Variants in MRAS observed in about 807,000 individuals in gnomAD.
MRAS encodes muscle RAS oncogene homolog.
In MRAS, 4 loss-of-function variants were observed where a neutral mutation model predicts 20.9. The ratio of observed to expected loss-of-function variants is 0.19; its 90% CI spans 0.09 to 0.44. The LOEUF is 0.44. MRAS is among the 20% of genes least tolerant of loss of function. MRAS has a pLI of 0.99. For synonymous variants in MRAS, 98 were observed against 102.9 expected, an observed-to-expected ratio of 0.95 and a Z score of 0.29; for missense variants, 154 against 277.5, an observed-to-expected ratio of 0.56 and a Z score of 3.16.
At position 138,370,137 on chromosome 3, in the gene MRAS, G is replaced by A. The variant is rs192240674; in HGVS notation, c.-18-2729G>A. Among the ~76,000 whole-genome samples the A allele has an allele frequency of 3.5e-3, 533 of 152,214 alleles. 5 individuals are homozygous for A. Among genetic ancestry groups the A allele is most frequent in the Middle Eastern group, 0.014 (4 of 294 alleles). ...GAGCAAAATCATCCTGGCCAACATGGTGAAACCTGTCTCTATTGAAAATAC... is the reference window on the plus strand; with the variant it reads ...GAGCAAAATCATCCTGGCCAACATGATGAAACCTGTCTCTATTGAAAATAC... On this transcript the variant is annotated intron_variant, in intron 1 of 5. Transcript: ENST00000423968.
intron 3 of MRAS, among the ~76,000 whole-genome samples, 186 bp from the exon 4 acceptor site, chr3:138,398,283 C>G (rs768013519): frequency 6.6e-6 from 1 of 152,176 alleles, no homozygotes; most frequent in African/African-American, 2.4e-5. Flanking sequence ...TAGCCAGCAG[C>G]CCCCGGGCCC....
At chr3:138,363,056 A>T (rs1267409290) in intron 1 of MRAS, among the ~76,000 whole-genome samples, 2 of 150,346 alleles carry the variant, frequency 1.3e-5, no homozygotes, top group Non-Finnish European at 3.0e-5. Context: ...TTTTTTTTTG[A>T]GACGGAGTCT....
At chr3:138,351,950 GT>G (rs1335537632) in intron 1 of MRAS, among the ~76,000 whole-genome samples, 1 of 152,218 alleles carries the variant, frequency 6.6e-6, no homozygotes, top group Non-Finnish European at 1.5e-5. Context: ...CTAAAGGCAC[GT>G]GACTTCTCTA....
chr3:138,376,913 A>G (rs1197818255), intron 2 of MRAS, among the ~76,000 whole-genome samples: 1 of 152,248 alleles, frequency 6.6e-6, no homozygotes, highest in East Asian at 1.9e-4. Context: ...AGAAAGTAAC[A>G]CCATGCCTGG....
At chr3:138,376,215 G>T (rs1444793097) in intron 2 of MRAS, among the ~76,000 whole-genome samples, 1 of 152,116 alleles carries the variant, frequency 6.6e-6, no homozygotes, top group African/African-American at 2.4e-5. Flanking sequence ...CTAGAACATT[G>T]TTCCTGCAGA....
chr3:138,385,727 C>T (rs1181891323), intron 2 of MRAS, among the ~76,000 whole-genome samples: 2 of 152,050 alleles, frequency 1.3e-5, no homozygotes, highest in African/African-American at 4.8e-5. Flanking sequence ...TGTTGCCAGG[C>T]TGGTCTCGAA....
In MRAS at chr3:138,404,485, A is replaced by C. The variant is rs2055420370; in HGVS notation, c.*2216A>C. On this transcript the variant is annotated 3_prime_UTR_variant, in exon 6 of 6. Transcript: ENST00000423968. ...AGACCTCGGCCATAAAGGTGAGAAG[A>C]CATAGGGATTTCAACCACACAGTTG... The C allele has an allele frequency of 6.6e-6, 1 of 152,286 alleles. No homozygotes were observed. The highest frequency in any genetic ancestry group is 2.4e-5 in the African/African-American group (1 of 41,450). The allele number at this position is 152,286 out of a possible 1,614,324, so 9.4% of individuals were successfully genotyped here.
intron 5 of MRAS, among the ~76,000 whole-genome samples, chr3:138,401,192 A>G (rs1016483434): frequency 6.6e-6 from 1 of 152,178 alleles, no homozygotes; most frequent in Non-Finnish European, 1.5e-5. Context: ...ACTCATGACT[A>G]AAACAGCCTC....
chr3:138,350,303 G>T (rs563410847), intron 1 of MRAS: 1 of 152,238 alleles, frequency 6.6e-6, no homozygotes, highest in South Asian at 2.1e-4. Context: ...AAAATGTTTC[G>T]GGCAATGGTT....
At chr3:138,393,650 G>A (rs1272419857) in intron 2 of MRAS, among the ~76,000 whole-genome samples, 1 of 151,528 alleles carries the variant, frequency 6.6e-6, no homozygotes, top group Non-Finnish European at 1.5e-5. Context: ...TTCAAAATCT[G>A]TAAATATATG....
At chr3:138,384,103 A>G (rs1259766290) in intron 2 of MRAS, among the ~76,000 whole-genome samples, 2 of 151,818 alleles carry the variant, frequency 1.3e-5, no homozygotes, top group Admixed American at 6.5e-5. Context: ...GTGAGAGCAC[A>G]GCTAGTAGGA....
intron 2 of MRAS, among the ~76,000 whole-genome samples, chr3:138,397,054 G>T (rs2055251452): frequency 6.6e-6 from 1 of 152,164 alleles, no homozygotes; most frequent in African/African-American, 2.4e-5. Flanking sequence ...GAGAATTTAG[G>T]CCTAGTAAGC....
intron 1 of MRAS, among the ~76,000 whole-genome samples, chr3:138,371,125 G>A (rs1295177295): frequency 6.6e-6 from 1 of 152,176 alleles, no homozygotes; most frequent in African/African-American, 2.4e-5. Context: ...CTGCAGGAGA[G>A]GGTATGAATA....
chr3:138,395,822 A>C (rs1218021580), intron 2 of MRAS, among the ~76,000 whole-genome samples: 2 of 152,238 alleles, frequency 1.3e-5, no homozygotes, highest in African/African-American at 4.8e-5. Flanking sequence ...GCCACCTAGC[A>C]GGCACTCAGA....
chr3:138,379,766 G>A (rs946658349), intron 2 of MRAS, among the ~76,000 whole-genome samples: 1 of 152,126 alleles, frequency 6.6e-6, no homozygotes, highest in African/African-American at 2.4e-5. Context: ...CTTGGCTATT[G>A]TGACTAGCGC....
At chr3:138,386,278 T>A (rs1390217157) in intron 2 of MRAS, among the ~76,000 whole-genome samples, 1 of 151,032 alleles carries the variant, frequency 6.6e-6, no homozygotes, top group Non-Finnish European at 1.5e-5. Context: ...TTCTCCCCCC[T>A]CCTCAGTCCC....
intron 1 of MRAS, among the ~76,000 whole-genome samples, chr3:138,356,175 G>C (rs939683224): frequency 1.3e-5 from 2 of 152,074 alleles, no homozygotes; most frequent in Non-Finnish European, 2.9e-5. Flanking sequence ...GACAAGTTTG[G>C]GTTTAAAAAG....
chr3:138,402,137 A>G (rs1405411913), intron 5 of MRAS, 33 bp from the exon 6 acceptor site: 1 of 1,598,922 alleles, frequency 6.3e-7, no homozygotes, highest in Non-Finnish European at 8.6e-7. Context: ...GCCCATTCTG[A>G]CTTTGTCTTT....
At chr3:138,357,194 C>G (rs1294729409) in intron 1 of MRAS, among the ~76,000 whole-genome samples, 1 of 152,190 alleles carries the variant, frequency 6.6e-6, no homozygotes, top group African/African-American at 2.4e-5. Flanking sequence ...GGGAGAGCCC[C>G]TTTGTGTGGA....
Sources: allele counts gnomAD v4.1 joint callset (sites outside exome capture counted in the v4.1 genomes callset), GRCh38; gene constraint gnomAD v4.1.1; transcripts MANE v1.5; gene names NCBI Gene and HGNC (gene_info 2026-07-23, HGNC 2026-07-21).